PREX2: variants seen among roughly 807,000 people sequenced by gnomAD.
PREX2 encodes phosphatidylinositol 3,4,5-trisphosphate-dependent Rac exchanger 2 protein.
In PREX2, 107 loss-of-function variants were observed where a neutral mutation model predicts 203.2. The observed-to-expected ratio is 0.53, with a 90% CI of 0.45 to 0.62. PREX2 has a LOEUF of 0.62. Ranked by LOEUF, PREX2 falls within the 20% of genes least tolerant of loss-of-function variation. The pLI is 0.00. For synonymous variants in PREX2, 672 were observed against 663.6 expected, an observed-to-expected ratio of 1.01 and a Z score of -0.19; for missense variants, 1,777 against 1,955.9, an observed-to-expected ratio of 0.91 and a Z score of 1.72.
At chr8:68,102,993 C>G in intron 23 of PREX2, 1 of 510,770 alleles carries the variant, frequency 2.0e-6, no homozygotes. Context: ...GGAAACGCTT[C>G]TTTGTTTTAC....
At chr8:68,089,399 G>A (rs1809799054) in intron 19 of PREX2, among the ~76,000 whole-genome samples, 1 of 152,072 alleles carries the variant, frequency 6.6e-6, no homozygotes, top group South Asian at 2.1e-4. Context: ...TTTCAGACAG[G>A]AAGCCCTCGG....
intron 34 of PREX2, 114 bp downstream of exon 34, chr8:68,146,466 T>A (rs1180857143): frequency 1.1e-6 from 1 of 932,404 alleles, no homozygotes; most frequent in Non-Finnish European, 1.6e-6. Flanking sequence ...AAAATATTAT[T>A]TAGCCAATAT....
At chr8:67,952,666 G>A (rs1308423251) in intron 1 of PREX2, 131 bp downstream of exon 1, 3 of 1,279,900 alleles carry the variant, frequency 2.3e-6, no homozygotes, top group Admixed American at 2.0e-5. Flanking sequence ...ACAGGCGCGG[G>A]AATCCACGTG....
At chr8:68,023,560 GTTGT>G (rs1416322226) in intron 4 of PREX2, among the ~76,000 whole-genome samples, 5 of 152,064 alleles carry the variant, frequency 3.3e-5, no homozygotes, top group Admixed American at 2.0e-4. Flanking sequence ...TCCTCTCAGT[GTTGT>G]TTGTCTGTTC....
intron 37 of PREX2, among the ~76,000 whole-genome samples, chr8:68,215,524 G>A (rs1175686915): frequency 2.1e-5 from 3 of 139,834 alleles, no homozygotes; most frequent in Non-Finnish European, 4.5e-5. Context: ...TAAATGCTTT[G>A]TAGAAAACTG....
chr8:68,063,563 A>C (rs958971434), intron 11 of PREX2, among the ~76,000 whole-genome samples: 3 of 152,184 alleles, frequency 2.0e-5, no homozygotes, highest in Non-Finnish European at 4.4e-5. Flanking sequence ...CTTCTACAAC[A>C]CAAGTCACTA....
At chr8:68,089,874 T>C (rs1357464857) in intron 19 of PREX2, among the ~76,000 whole-genome samples, 1 of 152,212 alleles carries the variant, frequency 6.6e-6, no homozygotes, top group Non-Finnish European at 1.5e-5. Context: ...TTAATATTGA[T>C]TTGATCACAC....
intron 11 of PREX2, among the ~76,000 whole-genome samples, chr8:68,064,818 G>A (rs13262116): frequency 0.69 from 105,532 of 152,064 alleles, 36,686 homozygotes; most frequent in East Asian, 0.74. Context: ...CTTTAACTCC[G>A]TGTTCAGTGA....
intron 35 of PREX2, among the ~76,000 whole-genome samples, chr8:68,179,635 C>T (rs925069334): frequency 1.3e-5 from 2 of 152,058 alleles, no homozygotes; most frequent in African/African-American, 4.8e-5. Context: ...AGGACACGCC[C>T]CTGACTCCTG....
chr8:68,027,301 G>T lies in PREX2; in HGVS notation c.521G>T (p.Cys174Phe). 6.2e-7 allele frequency: 1 copy of T among 1,603,246 alleles called. No individual in the cohort carries two copies. The highest frequency in any genetic ancestry group is 8.5e-7 in the Non-Finnish European group (1 of 1,170,500). Residue 174 changes from cysteine (C) to phenylalanine (F), a missense_variant, in exon 5 of 40, where the codon TGC becomes TTC. Transcript: ENST00000288368. ...GYLVTPIQRICKYPLILKELL... is the reference protein window; with the variant it reads ...GYLVTPIQRIFKYPLILKELL... ...TTAGTAACACCAATACAAAGAATAT[G>T]CAAGTACCCTCTTATTTTGAAGGTA...
rs533534090 is a variant in PREX2, at chr8:68,074,294, T to C, written c.1569+1724T>C. 1.2e-3 allele frequency among the ~76,000 whole-genome samples: 190 copies of C among 152,138 alleles called. 1 individual carries two copies. The highest frequency in any genetic ancestry group is 3.4e-3 in the Middle Eastern group (1 of 294). On this transcript the variant is annotated intron_variant, in intron 14 of 39. Transcript: ENST00000288368. Reference sequence around the variant, plus strand: ...TTTTTTTTTCTTCAGTTTTTCTTCGTGGTTTATTATGACAATGTCTGCAGA... The same window carrying C: ...TTTTTTTTTCTTCAGTTTTTCTTCGCGGTTTATTATGACAATGTCTGCAGA...
chr8:68,120,360 G>A lies in PREX2; in HGVS notation c.3595+74G>A. ...GGTAGACAATATAGTCATGAAGCAAGCAGATTGCATAAGAGGAACAATTCC... is the reference window on the plus strand; with the variant it reads ...GGTAGACAATATAGTCATGAAGCAAACAGATTGCATAAGAGGAACAATTCC... On this transcript the variant is annotated intron_variant, in intron 29 of 39. Coordinates refer to ENST00000288368, the MANE Select transcript of PREX2 (RefSeq NM_024870.4). 4.2e-6 allele frequency: 4 copies of A among 961,870 alleles called. No homozygotes were observed. The East Asian group carries it at 9.6e-5, about 23-fold the overall frequency. The allele number at this position is 961,870 out of a possible 1,614,324, so 59.6% of individuals were successfully genotyped here.
At chr8:68,096,593 C>T (rs377320944) in intron 21 of PREX2, among the ~76,000 whole-genome samples, 1 of 152,156 alleles carries the variant, frequency 6.6e-6, no homozygotes, top group East Asian at 1.9e-4. Flanking sequence ...CTTGCATCTC[C>T]TTTCTGCTTC....
intron 1 of PREX2, among the ~76,000 whole-genome samples, chr8:67,967,660 T>A (rs1348540119): frequency 6.6e-6 from 1 of 152,202 alleles, no homozygotes; most frequent in Non-Finnish European, 1.5e-5. Flanking sequence ...ATCTTGAATG[T>A]GCAGCAGGCT....
chr8:68,200,325 C>A (rs1336349878), intron 37 of PREX2, among the ~76,000 whole-genome samples: 1 of 152,030 alleles, frequency 6.6e-6, no homozygotes, highest in Non-Finnish European at 1.5e-5. Flanking sequence ...GTACCACTAT[C>A]TTTTCATAAA....
intron 39 of PREX2, among the ~76,000 whole-genome samples, chr8:68,227,533 T>C (rs1813077394): frequency 1.3e-5 from 2 of 152,130 alleles, no homozygotes; most frequent in African/African-American, 4.8e-5. Flanking sequence ...AAAGAATAGG[T>C]GGCACTATAG....
At chr8:68,070,418 A>C (rs1809161914) in intron 13 of PREX2, among the ~76,000 whole-genome samples, 1 of 151,962 alleles carries the variant, frequency 6.6e-6, no homozygotes, top group Non-Finnish European at 1.5e-5. Context: ...CCTTCTGAAG[A>C]GGCACACTTG....
rs1218222164 is a variant in PREX2 at position 68,017,916 on chromosome 8, A to C, written c.212A>C (p.Lys71Thr). ...VDKNVTEETV[K>T]MLFSNIEDIL... is the part of the protein sequence containing the mutation. ...AAAAATGTGACAGAAGAAACAGTGA[A>C]GGTGAGGAGGTACAACTGGCCTTCA... Residue 71 changes from lysine (K) to threonine (T), a missense_variant and splice_region_variant, in exon 2 of 40, where the codon AAG becomes ACG. By Grantham distance (78) the Lys-to-Thr change is moderately conservative. Coordinates refer to ENST00000288368, the MANE Select transcript of PREX2 (RefSeq NM_024870.4). The C allele has an allele frequency of 2.5e-6, 4 of 1,610,162 alleles. No individual in the cohort carries two copies. In the East Asian group the frequency reaches 9.0e-5, roughly 36 times the overall value.
chr8:68,173,024 T>C (rs1369721480), intron 35 of PREX2, among the ~76,000 whole-genome samples: 1 of 152,180 alleles, frequency 6.6e-6, no homozygotes, highest in Non-Finnish European at 1.5e-5. Context: ...CCTAATAACC[T>C]CTTTGATTTC....
Sources: gnomAD v4.1 joint callset for allele counts (sites outside exome capture counted in the v4.1 genomes callset) on GRCh38, gnomAD v4.1.1 for gene constraint, MANE v1.5 for transcripts, NCBI Gene and HGNC (gene_info 2026-07-23, HGNC 2026-07-21) for gene names.